Variants in GBE1 observed in about 807,000 individuals in gnomAD.
GBE1 encodes the protein 1,4-alpha-glucan-branching enzyme.
Under a neutral mutation model 88.8 loss-of-function variants are expected in GBE1, and 70 were observed. The ratio of observed to expected loss-of-function variants is 0.79; its 90% CI spans 0.65 to 0.96. The LOEUF is 0.96. Among genes scored for constraint, GBE1 ranks in the 40% least tolerant of loss-of-function variants. The probability of loss-of-function intolerance (pLI) is 0.00; values close to 1 mark genes in which losing one functional copy is unlikely to be tolerated. For missense variants in GBE1, 872 were observed against 871.0 expected (o/e 1.00, Z -0.01); for synonymous variants, 284 against 300.1 (o/e 0.95, Z 0.56).
intron 14 of GBE1, among the ~76,000 whole-genome samples, chr3:81,523,008 G>A (rs1299027640): frequency 2.0e-5 from 3 of 151,244 alleles, no homozygotes; most frequent in Non-Finnish European, 4.4e-5. Flanking sequence ...AGACATTTAA[G>A]CAGATAACTA....
At chr3:81,661,852 A>G (rs1406812016) in intron 3 of GBE1, among the ~76,000 whole-genome samples, 1 of 152,172 alleles carries the variant, frequency 6.6e-6, no homozygotes, top group African/African-American at 2.4e-5. Flanking sequence ...ACATCAGGTT[A>G]CAGGGAATAT....
rs184146753 is a variant in GBE1 at position 81,602,618 on chromosome 3, G to A, written c.993-8595C>T. Among the ~76,000 whole-genome samples, 7 of 152,184 alleles carry A rather than the reference G, an allele frequency of 4.6e-5. No homozygotes were observed. The South Asian group carries it at 6.2e-4, about 14-fold the overall frequency. On this transcript the variant is annotated intron_variant, in intron 7 of 15. Transcript: ENST00000429644. ...TAAGAGCGCTAATCCCATTCAGAGC[G>A]TGGAGCCCTCCCAAAGGCCCCACTT...
intron 2 of GBE1, among the ~76,000 whole-genome samples, chr3:81,686,607 T>C (rs1417587597): frequency 6.6e-6 from 1 of 151,860 alleles, no homozygotes; most frequent in Admixed American, 6.6e-5. Context: ...AAATACAAAA[T>C]TACCCGTGTA....
intron 1 of GBE1, among the ~76,000 whole-genome samples, chr3:81,725,692 ATC>A (rs1394490895): frequency 1.3e-5 from 2 of 152,204 alleles, no homozygotes; most frequent in Non-Finnish European, 2.9e-5. Flanking sequence ...TTTCATCAGC[ATC>A]TCTAGAAACA....
chr3:81,717,459 T>G (rs1705954471), intron 1 of GBE1, among the ~76,000 whole-genome samples: 1 of 152,204 alleles, frequency 6.6e-6, no homozygotes, highest in African/African-American at 2.4e-5. Flanking sequence ...AATGTGACTT[T>G]CATTGTATCC....
At chr3:81,626,476 G>A (rs1704418101) in intron 7 of GBE1, among the ~76,000 whole-genome samples, 1 of 152,114 alleles carries the variant, frequency 6.6e-6, no homozygotes, top group South Asian at 2.1e-4. Flanking sequence ...GATAAAAAGA[G>A]GAAGCCTTGA....
rs1373297344 is a variant in GBE1 at position 81,499,091 on chromosome 3, T to C, written c.2052+19A>G. ...GAGTAAATTAAAATAGCAGGAAATA[T>C]GTTGAGAAACTTACTTACCAAAAGA... is the stretch of plus-strand genomic sequence containing the variant. On this transcript the variant is annotated intron_variant, in intron 15 of 15. Transcript: ENST00000429644. 7 of 1,241,310 alleles carry C rather than the reference T, an allele frequency of 5.6e-6. No homozygotes were observed. Among genetic ancestry groups the C allele is most frequent in the South Asian group, 2.6e-5 (2 of 77,034 alleles). The allele number at this position is 1,241,310 out of a possible 1,614,324, so 76.9% of individuals were successfully genotyped here. A position where few individuals can be genotyped will look rare whatever the true frequency, so the allele number is the denominator to read the frequency against.
chr3:81,612,964 A>G, intron 7 of GBE1: 1 of 406,892 alleles, frequency 2.5e-6, no homozygotes, highest in South Asian at 2.2e-5. Context: ...GACGATGATG[A>G]CGCAAAGGAG....
chr3:81,719,720 T>A lies in GBE1; in HGVS notation c.144-14107A>T, dbSNP rs114984706. The stretch of plus-strand genomic sequence containing the variant: ...TTGATAGGTAGTTTGAAACTATATA[T>A]CAGAGATATAAGAATTTATATCTTT... On this transcript the variant is annotated intron_variant, in intron 1 of 15. Coordinates refer to ENST00000429644, the MANE Select transcript of GBE1 (RefSeq NM_000158.4). Among the ~76,000 whole-genome samples the A allele has an allele frequency of 6.8e-3, 1,043 of 152,276 alleles. 10 individuals are homozygous for A. Among genetic ancestry groups the A allele is most frequent in the African/African-American group, 0.024 (990 of 41,554 alleles).
At chr3:81,755,063 C>T (rs1456107603) in intron 1 of GBE1, among the ~76,000 whole-genome samples, 2 of 152,006 alleles carry the variant, frequency 1.3e-5, no homozygotes, top group Non-Finnish European at 2.9e-5. Context: ...GAGAAAATAT[C>T]TGCAAACTAT....
At chr3:81,574,024 G>A (rs1309447145) in intron 12 of GBE1, among the ~76,000 whole-genome samples, 1 of 152,166 alleles carries the variant, frequency 6.6e-6, no homozygotes, top group Non-Finnish European at 1.5e-5. Flanking sequence ...GCATCGTTCA[G>A]TAGACATCAT....
chr3:81,648,342 A>T (rs1487634770), intron 5 of GBE1, among the ~76,000 whole-genome samples: 2 of 152,174 alleles, frequency 1.3e-5, no homozygotes, highest in African/African-American at 4.8e-5. Flanking sequence ...TGAAGACAGG[A>T]TCTGTGCCAT....
At chr3:81,647,083 A>G (rs1410003347) in intron 5 of GBE1, among the ~76,000 whole-genome samples, 1 of 151,744 alleles carries the variant, frequency 6.6e-6, no homozygotes, top group African/African-American at 2.4e-5. Context: ...CAGCCTCCCA[A>G]GTAGCTGGAA....
At chr3:81,638,103 ATATATAGTGTC>A (rs1704616379) in intron 7 of GBE1, among the ~76,000 whole-genome samples, 1 of 152,104 alleles carries the variant, frequency 6.6e-6, no homozygotes, top group Non-Finnish European at 1.5e-5. Flanking sequence ...CCCAAATATT[ATATATAGTGTC>A]TATCCTAAGA....
chr3:81,761,312 C>T, intron 1 of GBE1, 63 bp downstream of exon 1: 1 of 1,544,788 alleles, frequency 6.5e-7, no homozygotes, highest in Non-Finnish European at 8.8e-7. Flanking sequence ...GGCCCGTGTC[C>T]CGAGACGGCT....
At chr3:81,549,417 G>T (rs1703246340) in intron 12 of GBE1, among the ~76,000 whole-genome samples, 1 of 151,546 alleles carries the variant, frequency 6.6e-6, no homozygotes, top group Admixed American at 6.6e-5. Flanking sequence ...TGGTGAAACT[G>T]GTTATCAAGG....
At chr3:81,611,881 A>T (rs1704186881) in intron 7 of GBE1, among the ~76,000 whole-genome samples, 1 of 152,194 alleles carries the variant, frequency 6.6e-6, no homozygotes, top group African/African-American at 2.4e-5. Flanking sequence ...GTCAGGGAAT[A>T]TCCAAACACA....
intron 10 of GBE1, among the ~76,000 whole-genome samples, chr3:81,585,274 C>T (rs751622164): frequency 3.9e-5 from 6 of 152,064 alleles, no homozygotes; most frequent in Non-Finnish European, 8.8e-5. Flanking sequence ...TAACCACTTC[C>T]TTAAGAGTAG....
At chr3:81,524,120 T>C (rs527365311) in intron 14 of GBE1, among the ~76,000 whole-genome samples, 39 of 151,944 alleles carry the variant, frequency 2.6e-4, no homozygotes, top group South Asian at 8.3e-4. Context: ...CCACCAACAG[T>C]GTATGAGGGT....
Sources: allele counts gnomAD v4.1 joint callset (sites outside exome capture counted in the v4.1 genomes callset), GRCh38; gene constraint gnomAD v4.1.1; transcripts MANE v1.5; gene names NCBI Gene and HGNC (gene_info 2026-07-23, HGNC 2026-07-21).